ZNF804A: variants seen among roughly 807,000 people sequenced by gnomAD.
ZNF804A encodes zinc finger protein 804A.
ZNF804A carries 2 observed loss-of-function variants against 16.5 expected under a neutral mutation model. The ratio of observed to expected loss-of-function variants is 0.12; its 90% confidence interval spans 0.05 to 0.38. ZNF804A has a LOEUF of 0.38. ZNF804A is among the 10% of genes least tolerant of loss of function. The pLI, the probability that ZNF804A is intolerant of heterozygous loss-of-function variation, is 0.99. For synonymous variants in ZNF804A, 534 were observed against 489.6 expected (o/e 1.09, Z -1.20); for missense variants, 1,473 against 1,390.7 (o/e 1.06, Z -0.94).
At chr2:184,614,404 G>A (rs1691287529) in intron 1 of ZNF804A, among the ~76,000 whole-genome samples, 1 of 152,084 alleles carries the variant, frequency 6.6e-6, no homozygotes, top group African/African-American at 2.4e-5. Context: ...AACACCAAAA[G>A]CAATGGCAAC....
At chr2:184,796,827 A>G (rs186594142) in intron 1 of ZNF804A, among the ~76,000 whole-genome samples, 6 of 152,018 alleles carry the variant, frequency 3.9e-5, no homozygotes, top group Non-Finnish European at 8.8e-5. Flanking sequence ...AGGTTGTGTC[A>G]TTACTGTTGT....
intron 1 of ZNF804A, among the ~76,000 whole-genome samples, chr2:184,656,163 A>G (rs1692070848): frequency 6.6e-6 from 1 of 152,126 alleles, no homozygotes; most frequent in Non-Finnish European, 1.5e-5. Context: ...CATTTATGGT[A>G]TGTGTATCTG....
intron 1 of ZNF804A, among the ~76,000 whole-genome samples, chr2:184,766,794 C>T (rs1694136297): frequency 6.6e-6 from 1 of 152,064 alleles, no homozygotes; most frequent in African/African-American, 2.4e-5. Flanking sequence ...TCACAATAGC[C>T]AAAATGTAGA....
At chr2:184,730,222 T>G (rs1693490504) in intron 1 of ZNF804A, among the ~76,000 whole-genome samples, 1 of 151,996 alleles carries the variant, frequency 6.6e-6, no homozygotes, top group African/African-American at 2.4e-5. Flanking sequence ...TTAACAGTAT[T>G]TTTTTTAGAA....
At chr2:184,761,037 A>T (rs534188533) in intron 1 of ZNF804A, among the ~76,000 whole-genome samples, 1 of 152,236 alleles carries the variant, frequency 6.6e-6, no homozygotes, top group South Asian at 2.1e-4. Flanking sequence ...TTGATATCAG[A>T]TAAGCTGTTA....
intron 1 of ZNF804A, among the ~76,000 whole-genome samples, chr2:184,712,766 C>T (rs1422610195): frequency 6.6e-6 from 1 of 151,588 alleles, no homozygotes; most frequent in Non-Finnish European, 1.5e-5. Flanking sequence ...TTCAAGCTTT[C>T]TGGTTCTTTC....
At chr2:184,694,087 T>C (rs72900001) in intron 1 of ZNF804A, among the ~76,000 whole-genome samples, 7,823 of 151,362 alleles carry the variant, frequency 0.052, 251 homozygotes, top group Non-Finnish European at 0.077. Context: ...TGTGACCACA[T>C]CCTGCTATTT....
intron 1 of ZNF804A, among the ~76,000 whole-genome samples, chr2:184,823,324 A>G (rs1695111857): frequency 6.6e-6 from 1 of 152,134 alleles, no homozygotes. Context: ...TAAGAACTCC[A>G]GTTCTTAATA....
chr2:184,600,740 T>G (rs1691031637), intron 1 of ZNF804A, among the ~76,000 whole-genome samples: 1 of 152,216 alleles, frequency 6.6e-6, no homozygotes, highest in Non-Finnish European at 1.5e-5. Context: ...TTGTTAAAAT[T>G]CTATAGGTCT....
rs544082364 is a variant in ZNF804A, at chr2:184,601,917, T to C, written c.111+2847T>C. Among the ~76,000 whole-genome samples the C allele has an allele frequency of 2.6e-4, 40 of 152,022 alleles. 1 individual carries two copies. The highest frequency in any genetic ancestry group is 9.4e-4 in the African/African-American group (39 of 41,570). ...AATAATTTTATAATCTTCAAAAAAA[T>C]CACAGGATTAATTTAAGTTAGCCTG... On this transcript the variant is annotated intron_variant, in intron 1 of 3. Transcript: ENST00000302277.
intron 1 of ZNF804A, among the ~76,000 whole-genome samples, chr2:184,678,656 A>T (rs886394736): frequency 1.3e-5 from 2 of 152,172 alleles, no homozygotes; most frequent in Admixed American, 1.3e-4. Context: ...TAAGCCTACA[A>T]TTACCAAATA....
At chr2:184,646,216 G>A (rs905722513) in intron 1 of ZNF804A, among the ~76,000 whole-genome samples, 6 of 152,200 alleles carry the variant, frequency 3.9e-5, no homozygotes, top group Non-Finnish European at 8.8e-5. Flanking sequence ...GGCTTCCACA[G>A]CCAGAACTAT....
intron 1 of ZNF804A, among the ~76,000 whole-genome samples, chr2:184,841,033 C>A (rs1290239263): frequency 1.3e-5 from 2 of 152,142 alleles, no homozygotes; most frequent in Non-Finnish European, 2.9e-5. Flanking sequence ...TTTCAGTTAT[C>A]TTTGCCTCAT....
At chr2:184,689,120 T>G (rs1692689608) in intron 1 of ZNF804A, among the ~76,000 whole-genome samples, 1 of 152,194 alleles carries the variant, frequency 6.6e-6, no homozygotes, top group Non-Finnish European at 1.5e-5. Context: ...TTATGTGTTA[T>G]TCCATCAAGC....
At chr2:184,618,588 C>T (rs1019231929) in intron 1 of ZNF804A, among the ~76,000 whole-genome samples, 8 of 152,078 alleles carry the variant, frequency 5.3e-5, no homozygotes, top group Admixed American at 2.6e-4. Context: ...ATTTTGGTAT[C>T]GCTGGGATTC....
intron 1 of ZNF804A, among the ~76,000 whole-genome samples, chr2:184,694,514 A>G (rs1473212327): frequency 1.3e-5 from 2 of 152,152 alleles, no homozygotes; most frequent in East Asian, 1.9e-4. Flanking sequence ...CAGGATATAC[A>G]TGTGTGTTTA....
intron 1 of ZNF804A, among the ~76,000 whole-genome samples, chr2:184,662,029 G>A (rs1003865907): frequency 5.3e-5 from 8 of 152,154 alleles, no homozygotes; most frequent in Non-Finnish European, 1.0e-4. Context: ...CACAACCCTG[G>A]AGAACTTTCA....
chr2:184,785,942 T>G (rs1197200918), intron 1 of ZNF804A, among the ~76,000 whole-genome samples: 1 of 152,010 alleles, frequency 6.6e-6, no homozygotes, highest in Non-Finnish European at 1.5e-5. Context: ...CAGCAGAATC[T>G]GGGGCAGAAA....
intron 1 of ZNF804A, among the ~76,000 whole-genome samples, chr2:184,694,904 A>C (rs888040953): frequency 3.9e-5 from 6 of 152,284 alleles, no homozygotes; most frequent in Admixed American, 6.5e-5. Context: ...TCTGTGGGGA[A>C]GTTCTGTTCC....
Sources: allele counts gnomAD v4.1 joint callset (sites outside exome capture counted in the v4.1 genomes callset), GRCh38; gene constraint gnomAD v4.1.1; transcripts MANE v1.5; gene names NCBI Gene and HGNC (gene_info 2026-07-23, HGNC 2026-07-21).